Variants in ATL2 observed in about 807,000 individuals in gnomAD.
The protein encoded by ATL2 is atlastin-2.
Under a neutral mutation model 73.9 loss-of-function variants are expected in ATL2, and 31 were observed. The ratio of observed to expected loss-of-function variants is 0.42; its 90% CI spans 0.32 to 0.57. ATL2 has a LOEUF of 0.57. Ranked by LOEUF, ATL2 falls within the 20% of genes least tolerant of loss-of-function variation. The probability of loss-of-function intolerance (pLI) is 0.14; values close to 1 mark genes in which losing one functional copy is unlikely to be tolerated. For synonymous variants in ATL2, 291 were observed against 237.5 expected (o/e 1.23, Z -2.07); for missense variants, 738 against 702.6 (o/e 1.05, Z -0.57).
intron 2 of ATL2, among the ~76,000 whole-genome samples, chr2:38,320,664 C>A (rs998182776): frequency 6.6e-6 from 1 of 152,154 alleles, no homozygotes; most frequent in African/African-American, 2.4e-5. Context: ...CCCACATAGC[C>A]TTTACTCAAT....
intron 1 of ATL2, among the ~76,000 whole-genome samples, chr2:38,361,321 G>T (rs1159285933): frequency 3.6e-4 from 50 of 137,798 alleles, no homozygotes; most frequent in African/African-American, 1.4e-3. Context: ...GCCACTGCAC[G>T]CCAGCCTGGG....
intron 1 of ATL2, among the ~76,000 whole-genome samples, chr2:38,370,079 C>T (rs1329331047): frequency 1.5e-5 from 2 of 135,590 alleles, no homozygotes; most frequent in East Asian, 2.3e-4. Context: ...GCGTGAACCC[C>T]GGGGGGCGGA....
intron 2 of ATL2, among the ~76,000 whole-genome samples, chr2:38,319,390 G>A (rs1221774302): frequency 1.3e-5 from 2 of 152,130 alleles, no homozygotes; most frequent in Non-Finnish European, 2.9e-5. Flanking sequence ...CTTGAGGCCA[G>A]GAATTTGAGA....
chr2:38,294,532 A>G lies in ATL2; in HGVS notation c.*1462T>C, dbSNP rs1460328428. On this transcript the variant is annotated 3_prime_UTR_variant, in exon 13 of 13. Transcript: ENST00000378954. ...CACTGCACTCCAGCCTGGGTGACAG[A>G]GAGAGACTCCGTCTCAAAAAAGAAA... Among the ~76,000 whole-genome samples, 1 of 152,138 alleles carries G rather than the reference A, an allele frequency of 6.6e-6. No individual in the cohort carries two copies. The highest frequency in any genetic ancestry group is 1.9e-4 in the East Asian group (1 of 5,186).
chr2:38,371,135 G>C (rs1350680941), intron 1 of ATL2, among the ~76,000 whole-genome samples: 3 of 151,724 alleles, frequency 2.0e-5, no homozygotes, highest in African/African-American at 7.3e-5. Flanking sequence ...CCTCCTTTGA[G>C]GAGTTTCTTT....
chr2:38,299,449 A>G, intron 10 of ATL2, 122 bp from the exon 11 acceptor site: 1 of 1,032,060 alleles, frequency 9.7e-7, no homozygotes, highest in Non-Finnish European at 1.3e-6. Flanking sequence ...AGTAACTTCC[A>G]GTTTTTCTTT....
chr2:38,351,802 T>C (rs959634462), intron 1 of ATL2, among the ~76,000 whole-genome samples: 29 of 151,582 alleles, frequency 1.9e-4, no homozygotes, highest in Admixed American at 9.9e-4. Flanking sequence ...CAAAAAAATC[T>C]ATGTATTATT....
Position 38,373,967 on chromosome 2 carries a change from C to T in ATL2, c.118+3176G>A, listed in dbSNP as rs573368550. On this transcript the variant is annotated intron_variant, in intron 1 of 12. Coordinates refer to ENST00000378954, the MANE Select transcript of ATL2 (RefSeq NM_001135673.4). ...AGTGCAATGGCATGATCTCGGCTCA[C>T]GGCAACCTCCACCTCCCAGGTTCAA... Among the ~76,000 whole-genome samples, 176 of 152,312 alleles carry T rather than the reference C, an allele frequency of 1.2e-3. 1 individual carries two copies. The highest frequency in any genetic ancestry group is 6.8e-3 in the Middle Eastern group (2 of 294).
intron 1 of ATL2, chr2:38,358,821 G>A (rs1670838220): frequency 6.6e-6 from 1 of 152,456 alleles, no homozygotes; most frequent in African/African-American, 2.4e-5. Context: ...TTATAACAGT[G>A]CTGGGTCTCC....
At chr2:38,352,994 T>A in intron 1 of ATL2, among the ~76,000 whole-genome samples, 1 of 152,272 alleles carries the variant, frequency 6.6e-6, no homozygotes, top group Non-Finnish European at 1.5e-5. Context: ...AAAAACAAGC[T>A]AAGAGAATCC....
intron 1 of ATL2, among the ~76,000 whole-genome samples, chr2:38,348,964 C>T (rs550981557): frequency 4.3e-4 from 66 of 152,098 alleles, no homozygotes; most frequent in East Asian, 2.9e-3. Flanking sequence ...AAATCAAAAC[C>T]ACAATGAGAT....
intron 2 of ATL2, among the ~76,000 whole-genome samples, chr2:38,339,514 T>TA (rs1669575863): frequency 6.6e-6 from 1 of 151,986 alleles, no homozygotes; most frequent in Non-Finnish European, 1.5e-5. Flanking sequence ...TATTCCAATA[T>TA]AAAAAATGTG....
At chr2:38,378,517 G>A (rs567627934), upstream of ATL2, among the ~76,000 whole-genome samples, 2 of 152,196 alleles carry the variant, frequency 1.3e-5, no homozygotes, top group South Asian at 2.1e-4. Flanking sequence ...GATTACAGGC[G>A]TGAGCCACTG....
At chr2:38,370,136 C>CAG (rs1671586297) in intron 1 of ATL2, among the ~76,000 whole-genome samples, 2 of 123,510 alleles carry the variant, frequency 1.6e-5, no homozygotes, top group South Asian at 5.2e-4. Context: ...ACCTGGGCGA[C>CAG]AGCGAGACTC....
intron 1 of ATL2, among the ~76,000 whole-genome samples, chr2:38,346,635 G>T (rs1419657036): frequency 6.6e-6 from 1 of 152,176 alleles, no homozygotes; most frequent in African/African-American, 2.4e-5. Flanking sequence ...ACACAACCCA[G>T]ATCCCTCACA....
intron 1 of ATL2, among the ~76,000 whole-genome samples, chr2:38,362,067 A>C (rs1166114733): frequency 1.3e-5 from 2 of 152,134 alleles, no homozygotes; most frequent in African/African-American, 4.8e-5. Context: ...CCACATAATG[A>C]TGCTTATCAT....
intron 2 of ATL2, among the ~76,000 whole-genome samples, chr2:38,322,488 T>C (rs1338531177): frequency 6.6e-6 from 1 of 152,178 alleles, no homozygotes; most frequent in Non-Finnish European, 1.5e-5. Context: ...CCAGAAGAAA[T>C]ATGATCTTTG....
At chr2:38,326,652 C>T (rs1215595813) in intron 2 of ATL2, among the ~76,000 whole-genome samples, 2 of 152,104 alleles carry the variant, frequency 1.3e-5, no homozygotes, top group African/African-American at 4.8e-5. Flanking sequence ...CTTTTACCTA[C>T]AGAGGAACAA....
chr2:38,346,903 T>C (rs976186916), intron 1 of ATL2, among the ~76,000 whole-genome samples: 1 of 152,208 alleles, frequency 6.6e-6, no homozygotes, highest in African/African-American at 2.4e-5. Flanking sequence ...GCTTTAATAT[T>C]CCTCTGCCTA....
Sources: gnomAD v4.1 joint callset for allele counts (sites outside exome capture counted in the v4.1 genomes callset) on GRCh38, gnomAD v4.1.1 for gene constraint, MANE v1.5 for transcripts, NCBI Gene and HGNC (gene_info 2026-07-23, HGNC 2026-07-21) for gene names.